UBE2E1: variants seen among roughly 807,000 people sequenced by gnomAD.
UBE2E1 encodes ubiquitin conjugating enzyme E2 E1.
A neutral mutation model predicts 21.4 loss-of-function variants in UBE2E1; 6 were observed. That is an observed-to-expected ratio of 0.28 (90% CI 0.15 to 0.55). The LOEUF (loss-of-function observed/expected upper bound fraction) is 0.55. Among genes scored for constraint, UBE2E1 ranks in the 20% least tolerant of loss-of-function variants. The pLI, the probability that UBE2E1 is intolerant of heterozygous loss-of-function variation, is 0.93. For missense variants in UBE2E1, 142 were observed against 236.5 expected (o/e 0.60, Z 2.62); for synonymous variants, 87 against 82.7 (o/e 1.05, Z -0.28).
At position 23,880,116 on chromosome 3, in the gene UBE2E1, C is replaced by T. The variant is rs559224112; in HGVS notation, c.204-7451C>T. Among the ~76,000 whole-genome samples, 3 of 152,298 alleles carry T rather than the reference C, an allele frequency of 2.0e-5. No individual in the cohort carries two copies. In the East Asian group the frequency reaches 5.8e-4, roughly 29 times the overall value. On this transcript the variant is annotated intron_variant, in intron 3 of 5. Coordinates refer to ENST00000306627, the MANE Select transcript of UBE2E1 (RefSeq NM_003341.5). ...GTAAAAATTAGGCTGGGCGCAGTGGCTCACGCCTGTAATCCCAGCACTTTG... is the reference window on the plus strand; with the variant it reads ...GTAAAAATTAGGCTGGGCGCAGTGGTTCACGCCTGTAATCCCAGCACTTTG...
At chr3:23,878,813 T>C (rs1392100423) in intron 3 of UBE2E1, among the ~76,000 whole-genome samples, 2 of 152,306 alleles carry the variant, frequency 1.3e-5, no homozygotes, top group Non-Finnish European at 2.9e-5. Flanking sequence ...TACATTATGG[T>C]GAGTTGTATA....
At chr3:23,877,230 C>T (rs1328365369) in intron 3 of UBE2E1, among the ~76,000 whole-genome samples, 1 of 152,126 alleles carries the variant, frequency 6.6e-6, no homozygotes. Flanking sequence ...GTCTACAGAA[C>T]ATTCAGGGTA....
rs1280980915 is a variant in UBE2E1 at position 23,806,276 on chromosome 3, G to A, written c.-34+188G>A. Among the ~76,000 whole-genome samples, 2 of 150,332 alleles carry A rather than the reference G, an allele frequency of 1.3e-5. No individual in the cohort carries two copies. Among genetic ancestry groups the A allele is most frequent in the African/African-American group, 4.9e-5 (2 of 41,128 alleles). On this transcript the variant is annotated intron_variant, in intron 1 of 5. Transcript: ENST00000306627. The surrounding 1 kb of genome is among the most constrained non-coding windows in gnomAD (Gnocchi z 6.5). ...TCCGGGGCCCGCCCGCGGGGGATGG[G>A]CAGGGACCCCGGGCCGCGTGGGGTG...
chr3:23,829,165 A>AAG (rs1699815311), intron 3 of UBE2E1, among the ~76,000 whole-genome samples: 1 of 8,322 alleles, frequency 1.2e-4, no homozygotes, highest in Non-Finnish European at 2.6e-4. Context: ...ACAGGGCCTC[A>AAG]AAAAAAAAAA....
rs1475634386 is a variant in UBE2E1, at chr3:23,887,521, T to A, written c.204-46T>A. 1 of 1,574,366 alleles carries A rather than the reference T, an allele frequency of 6.4e-7. No individual in the cohort carries two copies. Among genetic ancestry groups the A allele is most frequent in the Non-Finnish European group, 8.6e-7 (1 of 1,165,264 alleles). ...ATCTCTTTTAATACACTGTAAAAAT[T>A]GGGATAGTGCCACCATCTGCTTATT... On this transcript the variant is annotated intron_variant, in intron 3 of 5. Coordinates refer to ENST00000306627, the MANE Select transcript of UBE2E1 (RefSeq NM_003341.5). The surrounding 1 kb of genome is among the most constrained non-coding windows in gnomAD (Gnocchi z 4.4).
intron 3 of UBE2E1, among the ~76,000 whole-genome samples, chr3:23,847,373 A>G (rs1700230080): frequency 6.6e-6 from 1 of 152,148 alleles, no homozygotes. Context: ...AAACATTAGT[A>G]TGATAACTAT....
chr3:23,827,410 G>A (rs1217138952), intron 3 of UBE2E1, among the ~76,000 whole-genome samples: 1 of 152,200 alleles, frequency 6.6e-6, no homozygotes, highest in Non-Finnish European at 1.5e-5. Flanking sequence ...CACACTGTGT[G>A]CGGTGGAGAT....
chr3:23,828,930 CAG>C (rs1404582658), intron 3 of UBE2E1, among the ~76,000 whole-genome samples: 2 of 152,010 alleles, frequency 1.3e-5, no homozygotes, highest in South Asian at 2.1e-4. Context: ...CAATAAGTAA[CAG>C]GGGTTTACTT....
At position 23,890,639 on chromosome 3, in the gene UBE2E1, T is replaced by TGTCA; in HGVS notation, c.*34_*37dup. 2 of 1,603,052 alleles carry TGTCA rather than the reference T, an allele frequency of 1.2e-6. No individual in the cohort carries two copies. The highest frequency in any genetic ancestry group is 8.5e-7 in the Non-Finnish European group (1 of 1,172,376). On this transcript the variant is annotated 3_prime_UTR_variant, in exon 6 of 6. Coordinates refer to ENST00000306627, the MANE Select transcript of UBE2E1 (RefSeq NM_003341.5). The stretch of plus-strand genomic sequence containing the variant: ...TTTCACAATTCTTACATTATTTGTC[T>TGTCA]GTCACAGAAGAGAGCTGCTTATGAT...
At position 23,883,904 on chromosome 3, in the gene UBE2E1, C is replaced by CAAAA. The variant is rs35520751; in HGVS notation, c.204-3647_204-3644dup. ...GCACTCCAACCTGGGTGACAGATCT[C>CAAAA]AAAAAAAAAAAAAAAAAAAGTTTGA... On this transcript the variant is annotated intron_variant, in intron 3 of 5. Transcript: ENST00000306627. 4.9e-3 allele frequency among the ~76,000 whole-genome samples: 431 copies of CAAAA among 87,202 alleles called. 2 individuals carry two copies. Among genetic ancestry groups the CAAAA allele is most frequent in the Middle Eastern group, 0.013 (2 of 160 alleles). 57.2% of individuals were successfully genotyped at this position (87,202 alleles called of 152,430 possible).
chr3:23,848,986 A>G (rs1700267054), intron 3 of UBE2E1, among the ~76,000 whole-genome samples: 1 of 152,182 alleles, frequency 6.6e-6, no homozygotes, highest in African/African-American at 2.4e-5. Flanking sequence ...TGAATAATAC[A>G]TATTTCATTG....
At chr3:23,875,414 A>T (rs1002586529) in intron 3 of UBE2E1, among the ~76,000 whole-genome samples, 1 of 152,208 alleles carries the variant, frequency 6.6e-6, no homozygotes, top group Non-Finnish European at 1.5e-5. Context: ...TATCCAAATG[A>T]CTATAGCAGT....
chr3:23,827,456 A>G (rs1699782097), intron 3 of UBE2E1, among the ~76,000 whole-genome samples: 1 of 152,244 alleles, frequency 6.6e-6, no homozygotes, highest in African/African-American at 2.4e-5. Flanking sequence ...AATAACAGCT[A>G]ACTTTATTAA....
chr3:23,825,010 A>G (rs942113267), intron 3 of UBE2E1, among the ~76,000 whole-genome samples: 3 of 152,236 alleles, frequency 2.0e-5, no homozygotes, highest in Non-Finnish European at 4.4e-5. Context: ...CCCAACAAGT[A>G]TATACGAAAC....
At chr3:23,833,890 C>G (rs540698899) in intron 3 of UBE2E1, among the ~76,000 whole-genome samples, 2 of 152,142 alleles carry the variant, frequency 1.3e-5, no homozygotes, top group South Asian at 2.1e-4. Context: ...CCCAGCTACT[C>G]GAGAGGCTGA....
intron 3 of UBE2E1, among the ~76,000 whole-genome samples, chr3:23,824,599 C>A (rs1699715079): frequency 6.6e-6 from 1 of 152,284 alleles, no homozygotes; most frequent in South Asian, 2.1e-4. Context: ...CTCTTCAAGC[C>A]CCTCAAGGAG....
At chr3:23,807,144 C>G (rs1045319848) in intron 1 of UBE2E1, 93 bp from the exon 2 acceptor site, 2 of 1,101,326 alleles carry the variant, frequency 1.8e-6, no homozygotes, top group South Asian at 3.6e-5. Context: ...CCGCGTGCGC[C>G]CCTGGTCAAT....
In UBE2E1 at chr3:23,842,198, G is replaced by GGTGTGTGTGTGTGTGTGTGTGTGT. The variant is rs55941535; in HGVS notation, c.203+30716_203+30739dup. Reference sequence around the variant, plus strand: ...TATGTCATGACCCAGTAAGTGAAGGGGTGTGTGTGTGTGTGTGTGTGTGTG... The same window carrying GGTGTGTGTGTGTGTGTGTGTGTGT: ...TATGTCATGACCCAGTAAGTGAAGGGGTGTGTGTGTGTGTGTGTGTGTGTGTGTGTGTGTGTGTGTGTGTGTGTG... On this transcript the variant is annotated intron_variant, in intron 3 of 5. Coordinates refer to ENST00000306627, the MANE Select transcript of UBE2E1 (RefSeq NM_003341.5). This position sits in a 1 kb window ranked among gnomAD's most constrained non-coding sequence, Gnocchi z 4.6. 1.9e-5 allele frequency among the ~76,000 whole-genome samples: 2 copies of GGTGTGTGTGTGTGTGTGTGTGTGT among 104,356 alleles called. No individual in the cohort carries two copies. Among genetic ancestry groups the GGTGTGTGTGTGTGTGTGTGTGTGT allele is most frequent in the South Asian group, 3.4e-4 (1 of 2,928 alleles). The allele number at this position is 104,356 out of a possible 152,430, so 68.5% of individuals were successfully genotyped here.
chr3:23,889,666 T>C, intron 5 of UBE2E1: 1 of 985,446 alleles, frequency 1.0e-6, no homozygotes, highest in South Asian at 4.7e-5. Context: ...AGCTGGTCAC[T>C]GAGATGGCAC....
Sources: gnomAD v4.1 joint callset for allele counts (sites outside exome capture counted in the v4.1 genomes callset) on GRCh38, gnomAD v4.1.1 for gene constraint, Gnocchi (gnomAD v3.1) non-coding constraint, MANE v1.5 for transcripts, NCBI Gene and HGNC (gene_info 2026-07-23, HGNC 2026-07-21) for gene names.